The following SLC35F4 variants were observed in gnomAD, a reference collection of about 807,000 sequenced individuals.
The protein encoded by SLC35F4 is solute carrier family 35 member F4.
A neutral mutation model predicts 44.2 loss-of-function variants in SLC35F4; 24 were observed. That is an observed-to-expected ratio of 0.54 (90% CI 0.39 to 0.76). The LOEUF is 0.76. Ranked by LOEUF, SLC35F4 falls within the 30% of genes least tolerant of loss-of-function variation. SLC35F4 has a pLI of 0.00. For missense variants in SLC35F4, 562 were observed against 586.1 expected, an observed-to-expected ratio of 0.96 and a Z score of 0.42; for synonymous variants, 238 against 223.6, an observed-to-expected ratio of 1.06 and a Z score of -0.57.
At chr14:57,579,920 C>T (rs888922474) in intron 4 of SLC35F4, among the ~76,000 whole-genome samples, 1 of 152,092 alleles carries the variant, frequency 6.6e-6, no homozygotes, top group Non-Finnish European at 1.5e-5. Context: ...GAACAGTGGA[C>T]AATATAGGAA....
At chr14:57,854,793 G>T (rs973445830) in intron 1 of SLC35F4, among the ~76,000 whole-genome samples, 1 of 152,208 alleles carries the variant, frequency 6.6e-6, no homozygotes, top group African/African-American at 2.4e-5. Flanking sequence ...TTTTAAATAA[G>T]CTATGCCAAG....
intron 1 of SLC35F4, among the ~76,000 whole-genome samples, chr14:57,601,710 A>G (rs2070836869): frequency 6.6e-6 from 1 of 152,202 alleles, no homozygotes; most frequent in African/African-American, 2.4e-5. Flanking sequence ...TATCTTCTCT[A>G]CTTGTAATCA....
intron 1 of SLC35F4, among the ~76,000 whole-genome samples, chr14:57,785,769 C>A (rs1411638053): frequency 6.6e-6 from 1 of 152,190 alleles, no homozygotes; most frequent in Non-Finnish European, 1.5e-5. Context: ...GCCCTGGGAG[C>A]TTTCTGGGTC....
At chr14:57,881,607 G>A (rs1439139445) in intron 1 of SLC35F4, among the ~76,000 whole-genome samples, 3 of 152,116 alleles carry the variant, frequency 2.0e-5, no homozygotes, top group Non-Finnish European at 1.5e-5. Context: ...GCCCAATAGA[G>A]TGACTGTTAA....
In SLC35F4 at chr14:57,695,086, A is replaced by T. The variant is rs868618522; in HGVS notation, c.104-100962T>A. Among the ~76,000 whole-genome samples the T allele has an allele frequency of 5.3e-5, 8 of 152,262 alleles. No individual in the cohort carries two copies. The South Asian group carries it at 1.4e-3, about 28-fold the overall frequency. On this transcript the variant is annotated intron_variant, in intron 1 of 7. Transcript: ENST00000556826. ...AAAACCCTAGAAGAAAACCTAGGCAATACCATTCAGGACACAGGCATGGGC... is the reference window on the plus strand; with the variant it reads ...AAAACCCTAGAAGAAAACCTAGGCATTACCATTCAGGACACAGGCATGGGC...
chr14:57,956,432 T>C (rs2141084527), intron 1 of SLC35F4, among the ~76,000 whole-genome samples: 2 of 152,130 alleles, frequency 1.3e-5, no homozygotes, highest in African/African-American at 4.8e-5. Context: ...AAGCCAAAAT[T>C]GACAAATGGG....
chr14:57,581,328 T>A lies in SLC35F4; in HGVS notation c.693A>T (p.Leu231Phe). The A allele has an allele frequency of 6.2e-7, 1 of 1,613,512 alleles. No individual in the cohort carries two copies. The highest frequency in any genetic ancestry group is 8.5e-7 in the Non-Finnish European group (1 of 1,179,730). Residue 231 changes from leucine to phenylalanine, a missense_variant, in exon 4 of 8, where the codon TTA (leucine) becomes TTT (phenylalanine). Transcript: ENST00000556826. ...ILWTLTNYLY[L>F]LALKKLTATD... ...TGGCCGTCAGCTTCTTTAAAGCCAG[T>A]AAATAAAGGTAATTAGTCAAAGTCC...
At chr14:57,759,419 A>G (rs973120696) in intron 1 of SLC35F4, among the ~76,000 whole-genome samples, 1 of 152,088 alleles carries the variant, frequency 6.6e-6, no homozygotes, top group African/African-American at 2.4e-5. Context: ...ATCCCTACAC[A>G]AAATACAAAA....
intron 6 of SLC35F4, 28 bp downstream of exon 6, chr14:57,569,760 A>G (rs1473989229): frequency 1.3e-6 from 2 of 1,555,606 alleles, no homozygotes; most frequent in South Asian, 1.3e-5. Context: ...GATATAGGGA[A>G]TGGAAGGCAA....
chr14:57,777,024 G>C (rs2140719913), intron 1 of SLC35F4, among the ~76,000 whole-genome samples: 1 of 152,274 alleles, frequency 6.6e-6, no homozygotes, highest in East Asian at 1.9e-4. Context: ...ACACGATAAA[G>C]CAACCACACA....
chr14:57,754,643 G>A (rs1166629110), intron 1 of SLC35F4, among the ~76,000 whole-genome samples: 3 of 152,180 alleles, frequency 2.0e-5, no homozygotes, highest in African/African-American at 7.2e-5. Flanking sequence ...CTGAGAAAAG[G>A]GCCTTGCCTT....
intron 1 of SLC35F4, among the ~76,000 whole-genome samples, chr14:57,947,460 A>G (rs905500810): frequency 2.6e-5 from 4 of 152,084 alleles, no homozygotes; most frequent in Admixed American, 2.6e-4. Context: ...TAGGTAAACA[A>G]CCATATCATC....
intron 1 of SLC35F4, among the ~76,000 whole-genome samples, chr14:57,952,579 AAAG>A (rs1339723914): frequency 1.3e-5 from 2 of 152,006 alleles, no homozygotes; most frequent in East Asian, 3.9e-4. Context: ...TAACCAGTTT[AAAG>A]AAGAACATAA....
At chr14:57,788,846 G>C (rs1188154484) in intron 1 of SLC35F4, among the ~76,000 whole-genome samples, 2 of 152,074 alleles carry the variant, frequency 1.3e-5, no homozygotes, top group Non-Finnish European at 2.9e-5. Context: ...TAGAACTCAG[G>C]ATCCAGAAAC....
chr14:57,973,192 C>A (rs182593971), downstream of SLC35F4, among the ~76,000 whole-genome samples: 1 of 152,152 alleles, frequency 6.6e-6, no homozygotes, highest in Non-Finnish European at 1.5e-5. Flanking sequence ...TTCTCATTAC[C>A]TGTTGTATGG....
At chr14:57,918,751 G>T (rs943925450) in intron 1 of SLC35F4, among the ~76,000 whole-genome samples, 3 of 152,132 alleles carry the variant, frequency 2.0e-5, no homozygotes, top group Non-Finnish European at 2.9e-5. Flanking sequence ...TTCCAGAGGC[G>T]TGACTTAGGT....
chr14:57,620,032 T>C (rs1469399375), intron 1 of SLC35F4, among the ~76,000 whole-genome samples: 1 of 151,922 alleles, frequency 6.6e-6, no homozygotes, highest in African/African-American at 2.4e-5. Flanking sequence ...CCAAGAAATA[T>C]GGGACTATGT....
chr14:57,691,016 G>A (rs1335517573), intron 1 of SLC35F4, among the ~76,000 whole-genome samples: 1 of 152,186 alleles, frequency 6.6e-6, no homozygotes, highest in African/African-American at 2.4e-5. Flanking sequence ...GTATCGGTTT[G>A]TGGCCTGGGG....
chr14:57,647,053 A>G (rs1594694668), intron 1 of SLC35F4, among the ~76,000 whole-genome samples: 1 of 152,254 alleles, frequency 6.6e-6, no homozygotes, highest in African/African-American at 2.4e-5. Context: ...TATGTGGTCA[A>G]TTTTGGAATA....
Sources: allele counts gnomAD v4.1 joint callset (sites outside exome capture counted in the v4.1 genomes callset), GRCh38; gene constraint gnomAD v4.1.1; transcripts MANE v1.5; gene names NCBI Gene and HGNC (gene_info 2026-07-23, HGNC 2026-07-21).